Variants in ADGRL2 observed in about 807,000 individuals in gnomAD.
ADGRL2 encodes the protein calcium-independent alpha-latrotoxin receptor 2.
ADGRL2 carries 44 observed loss-of-function variants against 157.4 expected under a neutral mutation model. The observed-to-expected ratio is 0.28, with a 90% CI of 0.22 to 0.36. The LOEUF is 0.36. Ranked by LOEUF, ADGRL2 falls within the 10% of genes least tolerant of loss-of-function variation. ADGRL2 has a pLI of 1.00. For synonymous variants in ADGRL2, 585 were observed against 624.7 expected, an observed-to-expected ratio of 0.94 and a Z score of 0.95; for missense variants, 1,510 against 1,768.9, an observed-to-expected ratio of 0.85 and a Z score of 2.63.
At chr1:81,463,722 G>A (rs1434932347) in intron 2 of ADGRL2, among the ~76,000 whole-genome samples, 1 of 152,160 alleles carries the variant, frequency 6.6e-6, no homozygotes, top group Non-Finnish European at 1.5e-5. Context: ...AACCCCCTGA[G>A]CAATTGGCCC....
chr1:81,540,577 G>A (rs1442213991), intron 2 of ADGRL2, among the ~76,000 whole-genome samples: 1 of 152,244 alleles, frequency 6.6e-6, no homozygotes, highest in Non-Finnish European at 1.5e-5. Flanking sequence ...TAGAATCAAA[G>A]GAGCTGCTTG....
At chr1:81,955,808 A>T in intron 10 of ADGRL2, 69 bp from the exon 11 acceptor site, 1 of 905,144 alleles carries the variant, frequency 1.1e-6, no homozygotes, top group Non-Finnish European at 1.7e-6. Context: ...ATTGTCACTC[A>T]TCAGCTACTG....
chr1:81,540,203 T>A (rs2079848446), intron 2 of ADGRL2, among the ~76,000 whole-genome samples: 2 of 152,198 alleles, frequency 1.3e-5, no homozygotes, highest in African/African-American at 4.8e-5. Context: ...ATCTTAAAAC[T>A]TTTTTCCTAA....
rs757631237 is a variant in ADGRL2 at position 81,393,835 on chromosome 1, CTT to C, written c.-301-51194_-301-51193del. On this transcript the variant is annotated intron_variant, in intron 1 of 24. Transcript: ENST00000370721. ...TTGCCTTGCTTTTTTTTTTTTTTTG[CTT>C]TTTTTTGCTTTTTTCTCCCAGAATG... Among the ~76,000 whole-genome samples, 213 of 87,970 alleles carry C rather than the reference CTT, an allele frequency of 2.4e-3. 1 individual carries two copies. The highest frequency in any genetic ancestry group is 4.6e-3 in the Non-Finnish European group (186 of 40,132). The allele number at this position is 87,970 out of a possible 152,430, so 57.7% of individuals were successfully genotyped here.
chr1:81,342,517 A>G (rs1477842221), intron 1 of ADGRL2, among the ~76,000 whole-genome samples: 1 of 152,184 alleles, frequency 6.6e-6, no homozygotes, highest in Non-Finnish European at 1.5e-5. Flanking sequence ...ATAACAAATG[A>G]TAGCTGGAAA....
intron 1 of ADGRL2, among the ~76,000 whole-genome samples, chr1:81,746,899 TATACACACGTGCACAC>T: frequency 6.7e-6 from 1 of 148,890 alleles, no homozygotes; most frequent in African/African-American, 2.5e-5. Context: ...TATACACGTA[TATACACACGTGCACAC>T]GTATATACGT....
intron 2 of ADGRL2, among the ~76,000 whole-genome samples, chr1:81,492,071 CTTTTAA>C (rs1343567294): frequency 6.6e-6 from 1 of 152,146 alleles, no homozygotes; most frequent in Non-Finnish European, 1.5e-5. Context: ...GAAAACCACT[CTTTTAA>C]TTTTGTTTAA....
chr1:81,374,767 A>G (rs1340884836), intron 1 of ADGRL2, among the ~76,000 whole-genome samples: 2 of 151,998 alleles, frequency 1.3e-5, no homozygotes, highest in Admixed American at 1.3e-4. Context: ...TATCCCTCGG[A>G]ACAATTTAGG....
rs1314963765 is a variant in ADGRL2, at chr1:81,644,158, T to G, written c.-143+63178T>G. Among the ~76,000 whole-genome samples, 4 of 152,282 alleles carry G rather than the reference T, an allele frequency of 2.6e-5. No homozygotes were observed. The East Asian group carries it at 7.7e-4, about 29-fold the overall frequency. ...TTCTCAACAAATGGCGCTGAACAAC[T>G]GACATCTACATGTAAAAAATAAATG... is the stretch of plus-strand genomic sequence containing the variant. On this transcript the variant is annotated intron_variant, in intron 3 of 24. Transcript: ENST00000370721.
At chr1:81,751,020 G>T (rs924225058) in intron 1 of ADGRL2, among the ~76,000 whole-genome samples, 7 of 152,056 alleles carry the variant, frequency 4.6e-5, no homozygotes, top group African/African-American at 1.7e-4. Context: ...TGATTCCAGG[G>T]CTGGGGCATG....
chr1:81,863,801 CAA>C (rs1032049839), intron 2 of ADGRL2, among the ~76,000 whole-genome samples: 1 of 152,144 alleles, frequency 6.6e-6, no homozygotes, highest in African/African-American at 2.4e-5. Flanking sequence ...AGATTAAAGT[CAA>C]TACATCTGAC....
chr1:81,517,035 C>T (rs78922647), intron 2 of ADGRL2, among the ~76,000 whole-genome samples: 2,864 of 152,222 alleles, frequency 0.019, 77 homozygotes, highest in African/African-American at 0.064. Context: ...TAGCCCATTT[C>T]AGCCAGAGGT....
intron 1 of ADGRL2, among the ~76,000 whole-genome samples, chr1:81,326,147 C>T (rs966865815): frequency 1.3e-5 from 2 of 152,150 alleles, no homozygotes; most frequent in Non-Finnish European, 2.9e-5. Flanking sequence ...CACAACTAAG[C>T]ATCCCATGAT....
rs1477760750 is a variant in ADGRL2, at chr1:81,705,329, C to T, written c.-143+5521C>T. ...TATAGGCATGAGCCACCACGCCCAG[C>T]CCTGTGTATTATTTTTCTGGCAGCA... On this transcript the variant is annotated intron_variant, in intron 1 of 20. Coordinates refer to the ADGRL2 transcript ENST00000359929. Among the ~76,000 whole-genome samples, 11 of 152,302 alleles carry T rather than the reference C, an allele frequency of 7.2e-5. 1 individual carries two copies. The South Asian group carries it at 1.4e-3, about 20-fold the overall frequency.
At chr1:81,944,183 A>G (rs1357214408) in intron 6 of ADGRL2, among the ~76,000 whole-genome samples, 1 of 152,038 alleles carries the variant, frequency 6.6e-6, no homozygotes, top group Non-Finnish European at 1.5e-5. Flanking sequence ...CTTGATGTAC[A>G]ATGCCAGATA....
At chr1:81,845,341 T>C (rs747535002) in intron 2 of ADGRL2, among the ~76,000 whole-genome samples, 1 of 152,050 alleles carries the variant, frequency 6.6e-6, no homozygotes, top group Non-Finnish European at 1.5e-5. Flanking sequence ...CACAACTGGT[T>C]ATTTCCCGAG....
intron 1 of ADGRL2, among the ~76,000 whole-genome samples, chr1:81,328,378 G>A (rs945863688): frequency 7.9e-5 from 12 of 151,942 alleles, no homozygotes; most frequent in African/African-American, 2.7e-4. Context: ...AGGAAACATC[G>A]AATTGTGCTA....
At chr1:81,523,509 A>C (rs1013619836) in intron 2 of ADGRL2, among the ~76,000 whole-genome samples, 16 of 152,194 alleles carry the variant, frequency 1.1e-4, no homozygotes, top group African/African-American at 3.9e-4. Flanking sequence ...AATATTTTTT[A>C]AAATAACCCA....
Position 81,805,123 on chromosome 1 carries a change from G to A in ADGRL2, c.-101+4055G>A, listed in dbSNP as rs12046011. ...AACAGTAAACTCTAGTATTCAGTTG[G>A]TTTATTTTAAAAAATATAGTTTATT... is the stretch of plus-strand genomic sequence containing the variant. On this transcript the variant is annotated intron_variant, in intron 1 of 23. Transcript: ENST00000686636. Among the ~76,000 whole-genome samples the A allele has an allele frequency of 2.8e-4, 42 of 152,070 alleles. No homozygotes were observed. The East Asian group carries it at 7.4e-3, about 27-fold the overall frequency.
Sources: gnomAD v4.1 joint callset for allele counts (sites outside exome capture counted in the v4.1 genomes callset) on GRCh38, gnomAD v4.1.1 for gene constraint, MANE v1.5 for transcripts, NCBI Gene and HGNC (gene_info 2026-07-23, HGNC 2026-07-21) for gene names.